Variants in PLCG2 observed in about 807,000 individuals in gnomAD.
The protein encoded by PLCG2 is 1-phosphatidylinositol 4,5-bisphosphate phosphodiesterase gamma-2.
A neutral mutation model predicts 175.6 loss-of-function variants in PLCG2; 69 were observed. That is an observed-to-expected ratio of 0.39 (90% confidence interval 0.32 to 0.48). The LOEUF (loss-of-function observed/expected upper bound fraction) is 0.48. Ranked by LOEUF, PLCG2 falls within the 20% of genes least tolerant of loss-of-function variation. The pLI, the probability that PLCG2 is intolerant of heterozygous loss-of-function variation, is 0.91. For missense variants in PLCG2, 1,798 were observed against 1,650.9 expected, an observed-to-expected ratio of 1.09 and a Z score of -1.54; for synonymous variants, 827 against 624.0, an observed-to-expected ratio of 1.33 and a Z score of -4.85.
At chr16:81,820,985 G>A (rs1408041899) in intron 2 of PLCG2, among the ~76,000 whole-genome samples, 3 of 148,354 alleles carry the variant, frequency 2.0e-5, no homozygotes, top group Non-Finnish European at 4.4e-5. Flanking sequence ...TAGAACTCCT[G>A]ACGTCAAATG....
intron 1 of PLCG2, among the ~76,000 whole-genome samples, chr16:81,785,114 G>T (rs1910910716): frequency 6.6e-6 from 1 of 152,098 alleles, no homozygotes; most frequent in Admixed American, 6.6e-5. Flanking sequence ...CCGGTGAAAG[G>T]GTGAGATGCG....
At chr16:81,944,962 A>G (rs1026634748) in intron 30 of PLCG2, among the ~76,000 whole-genome samples, 3 of 152,204 alleles carry the variant, frequency 2.0e-5, no homozygotes, top group Admixed American at 6.5e-5. Context: ...AGAATTTTAT[A>G]TTAAAATGCC....
At chr16:81,810,934 C>G (rs1041052851) in intron 2 of PLCG2, among the ~76,000 whole-genome samples, 1 of 152,136 alleles carries the variant, frequency 6.6e-6, no homozygotes, top group African/African-American at 2.4e-5. Context: ...CTAAGAGGCA[C>G]CAAGGGAGGT....
At chr16:81,900,081 A>G (rs1909079194) in intron 13 of PLCG2, among the ~76,000 whole-genome samples, 1 of 140,596 alleles carries the variant, frequency 7.1e-6, no homozygotes, top group Non-Finnish European at 1.5e-5. Context: ...ACATATATAC[A>G]CATACAAATA....
At chr16:81,750,361 A>T (rs986732394) in intron 1 of PLCG2, among the ~76,000 whole-genome samples, 1 of 147,250 alleles carries the variant, frequency 6.8e-6, no homozygotes, top group Admixed American at 7.0e-5. Flanking sequence ...GGAAGATTGC[A>T]GTGAGCTGAG....
chr16:81,906,409 A>T (rs1909373296), intron 15 of PLCG2: 1 of 152,162 alleles, frequency 6.6e-6, no homozygotes, highest in South Asian at 2.1e-4. Flanking sequence ...CATACATATC[A>T]AAGGCAATAT....
chr16:81,859,632 T>G (rs1413743640), intron 5 of PLCG2, among the ~76,000 whole-genome samples: 1 of 152,096 alleles, frequency 6.6e-6, no homozygotes, highest in Non-Finnish European at 1.5e-5. Flanking sequence ...CCTCCTGGGT[T>G]CATGCCATTC....
chr16:81,781,272 T>C (rs569818653), intron 1 of PLCG2, among the ~76,000 whole-genome samples: 1 of 152,350 alleles, frequency 6.6e-6, no homozygotes, highest in Admixed American at 6.5e-5. Flanking sequence ...AAGCTATTTT[T>C]TTATTGACCT....
intron 2 of PLCG2, among the ~76,000 whole-genome samples, chr16:81,815,233 G>C (rs1438765281): frequency 6.6e-6 from 1 of 152,174 alleles, no homozygotes; most frequent in Admixed American, 6.5e-5. Flanking sequence ...GGCCTTACTG[G>C]ACAGTGAAGG....
At chr16:81,895,998 A>C in intron 13 of PLCG2, 71 bp downstream of exon 13, 1 of 1,579,418 alleles carries the variant, frequency 6.3e-7, no homozygotes, top group Non-Finnish European at 8.7e-7. Flanking sequence ...ACAGATGGAC[A>C]GACAGGCAAA....
intron 12 of PLCG2, among the ~76,000 whole-genome samples, chr16:81,894,496 C>T (rs1908787555): frequency 6.6e-6 from 1 of 152,136 alleles, no homozygotes; most frequent in South Asian, 2.1e-4. Flanking sequence ...CCTTATTTCC[C>T]TCCTTCCTTC....
intron 18 of PLCG2, 53 bp from the exon 19 acceptor site, chr16:81,912,544 C>G: frequency 1.9e-6 from 3 of 1,601,432 alleles, no homozygotes; most frequent in Non-Finnish European, 2.6e-6. Context: ...GGGTGGCCCA[C>G]TGACAGCCTG....
chr16:81,918,352 A>G (rs1909927719), intron 19 of PLCG2, among the ~76,000 whole-genome samples: 1 of 152,130 alleles, frequency 6.6e-6, no homozygotes, highest in Non-Finnish European at 1.5e-5. Flanking sequence ...TAAGTCTTTA[A>G]TCCATTTTGA....
intron 2 of PLCG2, among the ~76,000 whole-genome samples, chr16:81,825,936 G>A (rs1191097319): frequency 6.6e-6 from 1 of 152,216 alleles, no homozygotes. Flanking sequence ...ATAGAAATCA[G>A]ATGGCATTGG....
chr16:81,769,534 GC>G (rs1176619863), intron 2 of PLCG2, among the ~76,000 whole-genome samples: 1 of 152,130 alleles, frequency 6.6e-6, no homozygotes, highest in African/African-American at 2.4e-5. Flanking sequence ...AAGACATGGG[GC>G]CGGGCGCGGT....
intron 2 of PLCG2, among the ~76,000 whole-genome samples, chr16:81,765,477 A>G (rs1223927669): frequency 6.6e-6 from 1 of 152,194 alleles, no homozygotes. Flanking sequence ...CATAAAATAC[A>G]AAAATTAGCT....
chr16:81,798,856 G>T (rs1191511189), intron 2 of PLCG2: 1 of 152,392 alleles, frequency 6.6e-6, no homozygotes, highest in Non-Finnish European at 1.5e-5. Context: ...ATCCCACTGC[G>T]TCTTCTCTGC....
rs763392041 is a variant in PLCG2, at chr16:81,883,352, A to T, written c.765+11A>T. On this transcript the variant is annotated intron_variant, in intron 9 of 32. Coordinates refer to ENST00000564138, the MANE Select transcript of PLCG2 (RefSeq NM_002661.5). ...ATACATGAACAGCAGGTGAGAGCAC[A>T]AGGTGTGTGGGTGCCTGAGGGAGCT... 11 of 1,611,238 alleles carry T rather than the reference A, an allele frequency of 6.8e-6. No individual in the cohort carries two copies. In the African/African-American group the frequency reaches 1.5e-4, roughly 22 times the overall value.
chr16:81,857,075 C>T (rs1451534394), intron 3 of PLCG2, among the ~76,000 whole-genome samples: 2 of 144,234 alleles, frequency 1.4e-5, no homozygotes, highest in African/African-American at 5.0e-5. Flanking sequence ...GAAAATAAAT[C>T]TATATTACTT....
Sources: gnomAD v4.1 joint callset for allele counts (sites outside exome capture counted in the v4.1 genomes callset) on GRCh38, gnomAD v4.1.1 for gene constraint, MANE v1.5 for transcripts, NCBI Gene and HGNC (gene_info 2026-07-23, HGNC 2026-07-21) for gene names.